The following NALF1 variants were observed in gnomAD, a reference collection of about 807,000 sequenced individuals.
NALF1 encodes family with sequence similarity 155 member A.
A neutral mutation model predicts 48.4 loss-of-function variants in NALF1; 3 were observed. The observed-to-expected ratio is 0.06, with a 90% confidence interval of 0.03 to 0.16. The LOEUF (loss-of-function observed/expected upper bound fraction) is 0.16. Among genes scored for constraint, NALF1 ranks in the 10% least tolerant of loss-of-function variants. The probability of loss-of-function intolerance (pLI) is 1.00; values close to 1 mark genes in which losing one functional copy is unlikely to be tolerated. For synonymous variants in NALF1, 262 were observed against 245.7 expected (o/e 1.07, Z -0.62); for missense variants, 526 against 571.5 (o/e 0.92, Z 0.81).
At chr13:107,559,427 A>C (rs566660182) in intron 1 of NALF1, among the ~76,000 whole-genome samples, 1 of 152,196 alleles carries the variant, frequency 6.6e-6, no homozygotes, top group Non-Finnish European at 1.5e-5. Context: ...AAAGGGAATA[A>C]ATGCAAGAGA....
intron 1 of NALF1, among the ~76,000 whole-genome samples, chr13:107,445,115 G>A (rs1884625673): frequency 6.6e-6 from 1 of 152,092 alleles, no homozygotes; most frequent in Admixed American, 6.5e-5. Context: ...GCACCTATGG[G>A]TGTATATGCA....
chr13:107,720,804 G>A (rs1174452422), intron 1 of NALF1, among the ~76,000 whole-genome samples: 2 of 152,160 alleles, frequency 1.3e-5, no homozygotes, highest in African/African-American at 4.8e-5. Context: ...GCTGAAGGTA[G>A]TGTTTACTCC....
intron 1 of NALF1, among the ~76,000 whole-genome samples, chr13:107,740,436 T>C (rs931321809): frequency 4.6e-5 from 7 of 152,326 alleles, no homozygotes; most frequent in Admixed American, 4.6e-4. Flanking sequence ...TTGCAAATTA[T>C]TATTTTTGCT....
chr13:107,311,757 C>T (rs550328249), intron 1 of NALF1, among the ~76,000 whole-genome samples: 65 of 152,062 alleles, frequency 4.3e-4, no homozygotes, highest in South Asian at 3.5e-3. Context: ...AACAAGTTGG[C>T]GAAGGATATG....
chr13:107,228,033 G>A (rs74322650), intron 1 of NALF1, among the ~76,000 whole-genome samples: 2,841 of 152,238 alleles, frequency 0.019, 39 homozygotes, highest in Non-Finnish European at 0.027. Flanking sequence ...AATATGTTAT[G>A]TAAAGAGCAT....
intron 1 of NALF1, among the ~76,000 whole-genome samples, chr13:107,516,922 G>C (rs1227692603): frequency 2.6e-5 from 4 of 152,148 alleles, no homozygotes; most frequent in Non-Finnish European, 5.9e-5. Context: ...CAACATGTTG[G>C]AAAATCTCAT....
intron 1 of NALF1, among the ~76,000 whole-genome samples, chr13:107,426,289 G>A (rs1051442813): frequency 4.6e-5 from 7 of 152,182 alleles, no homozygotes; most frequent in Non-Finnish European, 1.0e-4. Flanking sequence ...TGTAGAATGA[G>A]GTTTCTTTCC....
chr13:107,247,067 G>A (rs1204643822), intron 1 of NALF1, among the ~76,000 whole-genome samples: 1 of 152,062 alleles, frequency 6.6e-6, no homozygotes, highest in African/African-American at 2.4e-5. Flanking sequence ...TTACTAGCCA[G>A]GGAAAAAATT....
chr13:107,685,767 G>T (rs1207601793), intron 1 of NALF1, among the ~76,000 whole-genome samples: 3 of 152,214 alleles, frequency 2.0e-5, no homozygotes, highest in Non-Finnish European at 4.4e-5. Context: ...GAAAAGGGGT[G>T]ATTGATTCGT....
intron 2 of NALF1, among the ~76,000 whole-genome samples, chr13:107,185,717 A>T (rs191769838): frequency 2.0e-5 from 3 of 152,222 alleles, no homozygotes; most frequent in Admixed American, 6.5e-5. Flanking sequence ...TTATTTTTTT[A>T]AATTAGCTTT....
At chr13:107,393,964 A>G (rs969100906) in intron 1 of NALF1, among the ~76,000 whole-genome samples, 2 of 152,172 alleles carry the variant, frequency 1.3e-5, no homozygotes, top group African/African-American at 4.8e-5. Context: ...TAAAAAGTAA[A>G]TTGCTATATA....
At chr13:107,415,423 G>T (rs1187092971) in intron 1 of NALF1, among the ~76,000 whole-genome samples, 1 of 150,750 alleles carries the variant, frequency 6.6e-6, no homozygotes, top group African/African-American at 2.4e-5. Flanking sequence ...TTTTCTGCTT[G>T]AAAGCAACAG....
At chr13:107,381,653 A>T (rs1883442516) in intron 1 of NALF1, among the ~76,000 whole-genome samples, 1 of 152,032 alleles carries the variant, frequency 6.6e-6, no homozygotes, top group Admixed American at 6.6e-5. Flanking sequence ...TGAATAATGG[A>T]TGGAATATCT....
At chr13:107,239,424 G>A (rs2138833571) in intron 1 of NALF1, among the ~76,000 whole-genome samples, 1 of 152,232 alleles carries the variant, frequency 6.6e-6, no homozygotes, top group African/African-American at 2.4e-5. Flanking sequence ...TCCTCACATG[G>A]CACTTCCCTT....
chr13:107,240,913 T>G (rs994392433), intron 1 of NALF1, among the ~76,000 whole-genome samples: 2 of 151,996 alleles, frequency 1.3e-5, no homozygotes, highest in Admixed American at 6.6e-5. Context: ...GTTCTTTTTT[T>G]GCTGCTAAAA....
At chr13:107,777,111 A>C (rs1031372245) in intron 1 of NALF1, among the ~76,000 whole-genome samples, 1 of 152,136 alleles carries the variant, frequency 6.6e-6, no homozygotes, top group Non-Finnish European at 1.5e-5. Context: ...AACGAACAAA[A>C]AACTGGTAAC....
chr13:107,396,096 G>A (rs1883706894), intron 1 of NALF1, among the ~76,000 whole-genome samples: 1 of 152,074 alleles, frequency 6.6e-6, no homozygotes, highest in African/African-American at 2.4e-5. Flanking sequence ...TGTCTGGTAC[G>A]AGCTCTTTAA....
intron 1 of NALF1, among the ~76,000 whole-genome samples, chr13:107,782,583 G>A (rs978102598): frequency 6.6e-6 from 1 of 150,892 alleles, no homozygotes; most frequent in African/African-American, 2.4e-5. Context: ...TCTCTGCCCG[G>A]CTGCCATCCC....
At chr13:107,618,728 C>T (rs16970827) in intron 1 of NALF1, among the ~76,000 whole-genome samples, 7,397 of 152,072 alleles carry the variant, frequency 0.049, 637 homozygotes, top group African/African-American at 0.17. Context: ...GTAAAGCACT[C>T]TGACTGACCA....
Sources: allele counts gnomAD v4.1 joint callset (sites outside exome capture counted in the v4.1 genomes callset), GRCh38; gene constraint gnomAD v4.1.1; transcripts MANE v1.5; gene names NCBI Gene and HGNC (gene_info 2026-07-23, HGNC 2026-07-21).